The following ZNF385D variants were observed in gnomAD, a reference collection of about 807,000 sequenced individuals.
ZNF385D encodes zinc finger protein 385D.
ZNF385D carries 15 observed loss-of-function variants against 35.8 expected under a neutral mutation model. That is an observed-to-expected ratio of 0.42 (90% CI 0.28 to 0.64). The LOEUF is 0.64. Among genes scored for constraint, ZNF385D ranks in the 30% least tolerant of loss-of-function variants. The pLI is 0.23. For synonymous variants in ZNF385D, 212 were observed against 186.8 expected, an observed-to-expected ratio of 1.13 and a Z score of -1.10; for missense variants, 474 against 494.6, an observed-to-expected ratio of 0.96 and a Z score of 0.39.
At chr3:22,318,853 G>A (rs1704043659) in intron 2 of ZNF385D, among the ~76,000 whole-genome samples, 1 of 152,110 alleles carries the variant, frequency 6.6e-6, no homozygotes. Flanking sequence ...GAATATAAAG[G>A]TAAATTTCAT....
At chr3:22,004,533 C>G (rs536414329) in intron 3 of ZNF385D, among the ~76,000 whole-genome samples, 1 of 152,290 alleles carries the variant, frequency 6.6e-6, no homozygotes, top group South Asian at 2.1e-4. Context: ...AATTATTCAT[C>G]TGACAAAAGG....
At chr3:21,979,173 G>A (rs751073703) in intron 3 of ZNF385D, among the ~76,000 whole-genome samples, 1 of 151,898 alleles carries the variant, frequency 6.6e-6, no homozygotes, top group Non-Finnish European at 1.5e-5. Flanking sequence ...TCTGGGCTGG[G>A]TCCAAACATT....
At chr3:21,781,969 C>T (rs2071507422) in intron 3 of ZNF385D, among the ~76,000 whole-genome samples, 1 of 152,066 alleles carries the variant, frequency 6.6e-6, no homozygotes, top group Admixed American at 6.6e-5. Flanking sequence ...AAAATGGCCT[C>T]TATGAATCAA....
At chr3:21,953,825 G>C (rs952568275) in intron 3 of ZNF385D, among the ~76,000 whole-genome samples, 5 of 151,998 alleles carry the variant, frequency 3.3e-5, no homozygotes, top group Admixed American at 3.3e-4. Context: ...AAAAATTAGA[G>C]TAAGTGATTT....
chr3:21,444,680 C>A (rs1400112689), intron 4 of ZNF385D, among the ~76,000 whole-genome samples: 2 of 152,168 alleles, frequency 1.3e-5, no homozygotes, highest in Admixed American at 6.6e-5. Flanking sequence ...AGCCACTGCG[C>A]CCAGCTGAAT....
At chr3:21,729,564 G>A (rs1389091864) in intron 1 of ZNF385D, among the ~76,000 whole-genome samples, 1 of 152,138 alleles carries the variant, frequency 6.6e-6, no homozygotes, top group Non-Finnish European at 1.5e-5. Context: ...TTAAAGATAA[G>A]GTTTGGGCTC....
intron 3 of ZNF385D, among the ~76,000 whole-genome samples, chr3:22,048,803 G>C (rs1257760898): frequency 6.6e-6 from 1 of 152,154 alleles, no homozygotes. Flanking sequence ...AATTTTGATA[G>C]TGATTGCATG....
At chr3:22,010,001 T>C (rs1282153089) in intron 3 of ZNF385D, among the ~76,000 whole-genome samples, 2 of 151,496 alleles carry the variant, frequency 1.3e-5, no homozygotes, top group East Asian at 1.9e-4. Flanking sequence ...ATAAAGGAAA[T>C]TGAGGAAAAC....
At chr3:21,941,792 C>T (rs1054964979) in intron 3 of ZNF385D, among the ~76,000 whole-genome samples, 3 of 143,136 alleles carry the variant, frequency 2.1e-5, no homozygotes, top group Admixed American at 7.7e-5. Context: ...CCACCATGCC[C>T]GGCCTCTTTA....
intron 2 of ZNF385D, among the ~76,000 whole-genome samples, chr3:21,641,971 A>C (rs2065620104): frequency 1.3e-5 from 2 of 152,274 alleles, no homozygotes; most frequent in South Asian, 2.1e-4. Flanking sequence ...AGGCATGTCC[A>C]ACATTGAGGC....
chr3:22,210,636 T>C (rs1697458833), intron 2 of ZNF385D, among the ~76,000 whole-genome samples: 1 of 151,964 alleles, frequency 6.6e-6, no homozygotes, highest in African/African-American at 2.4e-5. Context: ...AGGATGTTTC[T>C]GGCATTACAT....
At chr3:22,215,145 G>C (rs1187705269) in intron 2 of ZNF385D, among the ~76,000 whole-genome samples, 1 of 151,836 alleles carries the variant, frequency 6.6e-6, no homozygotes, top group Non-Finnish European at 1.5e-5. Context: ...ATATCTAGCT[G>C]AATTTTCCCC....
At chr3:21,457,182 A>G (rs1017419730) in intron 4 of ZNF385D, among the ~76,000 whole-genome samples, 2 of 152,202 alleles carry the variant, frequency 1.3e-5, no homozygotes, top group African/African-American at 4.8e-5. Flanking sequence ...ATGCTTGGGA[A>G]GAAAGAATAA....
intron 3 of ZNF385D, among the ~76,000 whole-genome samples, chr3:21,934,354 C>T (rs968517092): frequency 2.6e-5 from 4 of 152,052 alleles, no homozygotes; most frequent in Non-Finnish European, 5.9e-5. Context: ...TGTAAACACT[C>T]CAAATAAAAA....
chr3:21,713,746 T>C (rs13076073), intron 1 of ZNF385D, among the ~76,000 whole-genome samples: 45,008 of 152,132 alleles, frequency 0.3, 7,104 homozygotes, highest in South Asian at 0.44. Flanking sequence ...TCTTGTCTTC[T>C]ACCCTACCCA....
chr3:21,759,846 G>A (rs889486292), intron 3 of ZNF385D, among the ~76,000 whole-genome samples: 2 of 152,134 alleles, frequency 1.3e-5, no homozygotes, highest in African/African-American at 2.4e-5. Flanking sequence ...GGATGCTTTA[G>A]GTCATGAACA....
chr3:21,928,493 T>C (rs1025034118), intron 3 of ZNF385D, among the ~76,000 whole-genome samples: 6 of 152,134 alleles, frequency 3.9e-5, no homozygotes, highest in Non-Finnish European at 8.8e-5. Context: ...ATGACATCTA[T>C]AGAACTCTCC....
intron 2 of ZNF385D, among the ~76,000 whole-genome samples, chr3:21,622,203 T>C (rs2125816722): frequency 6.6e-6 from 1 of 152,208 alleles, no homozygotes; most frequent in African/African-American, 2.4e-5. Flanking sequence ...AAAAAAGTGA[T>C]TAAGGAGGAA....
rs538708599 is a variant in ZNF385D at position 21,950,864 on chromosome 3, G to A, written c.325+217953C>T. On this transcript the variant is annotated intron_variant, in intron 3 of 5. Coordinates refer to the ZNF385D transcript ENST00000494108. ...AAAAATCCAATGGTTGTAGATTTGT[G>A]GCATTATTTCTGAGGCCTCTATTTT... Among the ~76,000 whole-genome samples the A allele has an allele frequency of 8.4e-4, 127 of 151,676 alleles. 3 individuals carry two copies. The highest frequency in any genetic ancestry group is 3.0e-3 in the African/African-American group (123 of 41,078).
Sources: allele counts gnomAD v4.1 joint callset (sites outside exome capture counted in the v4.1 genomes callset), GRCh38; gene constraint gnomAD v4.1.1; transcripts MANE v1.5; gene names NCBI Gene and HGNC (gene_info 2026-07-23, HGNC 2026-07-21).